The following DMD variants were observed in gnomAD, a reference collection of about 807,000 sequenced individuals.
The protein encoded by DMD is dystrophin.
In DMD, 63 loss-of-function variants were observed where a neutral mutation model predicts 330.1. That is an observed-to-expected ratio of 0.19 (90% confidence interval 0.16 to 0.24). The LOEUF is 0.24. Among genes scored for constraint, DMD ranks in the 10% least tolerant of loss-of-function variants. DMD has a pLI of 1.00. For missense variants in DMD, 3,344 were observed against 2,684.1 expected (o/e 1.25, Z -5.43); for synonymous variants, 1,223 against 959.8 (o/e 1.27, Z -5.07).
At chrX:31,310,808 A>ACC (rs1194347177) in intron 62 of DMD, among the ~76,000 whole-genome samples, 1 of 100,684 alleles carries the variant, frequency 9.9e-6, no homozygotes, top group Non-Finnish European at 2.0e-5. Context: ...TTCTGCTTTG[A>ACC]CCCCCCAAAG....
intron 41 of DMD, among the ~76,000 whole-genome samples, chrX:32,325,746 C>T (rs1324430560): frequency 9.1e-6 from 1 of 110,098 alleles, no homozygotes; most frequent in Non-Finnish European, 1.9e-5. Flanking sequence ...GCTAATAGCA[C>T]TCTTATGTGA....
At chrX:31,674,921 G>T (rs944424371) in intron 53 of DMD, among the ~76,000 whole-genome samples, 1 of 112,092 alleles carries the variant, frequency 8.9e-6, no homozygotes, top group Non-Finnish European at 1.9e-5. Context: ...GTTCTAAATG[G>T]CATCATCTCT....
At chrX:31,659,359 G>A (rs1404671121) in intron 53 of DMD, among the ~76,000 whole-genome samples, 1 of 111,041 alleles carries the variant, frequency 9.0e-6, no homozygotes, top group South Asian at 3.8e-4. Flanking sequence ...ATGAGAAACA[G>A]GCCGGGTGCG....
chrX:32,917,666 C>T (rs931675862), intron 2 of DMD, among the ~76,000 whole-genome samples: 1 of 111,754 alleles, frequency 8.9e-6, no homozygotes, highest in Non-Finnish European at 1.9e-5. Context: ...TGGCTCTATT[C>T]AGAAGAAGAA....
rs868244299 is a variant in DMD at position 33,070,689 on chromosome X, A to C, written c.32-50489T>G. 7.9e-3 allele frequency among the ~76,000 whole-genome samples: 673 copies of C among 84,813 alleles called. 3 individuals are homozygous for C. Among genetic ancestry groups the C allele is most frequent in the East Asian group, 0.015 (43 of 2,880 alleles). 73.6% of individuals were successfully genotyped at this position (84,813 alleles called of 115,157 possible). A position where few individuals can be genotyped will look rare whatever the true frequency, so the allele number is the denominator to read the frequency against. ...TCTCTCTCTCTATATATATATATAT[A>C]TATATATATATATATATATATGTTC... On this transcript the variant is annotated intron_variant, in intron 1 of 78. Transcript: ENST00000357033.
At position 33,192,958 on chromosome X, in the gene DMD, G is replaced by A. The variant is rs762705006; in HGVS notation, c.31+18324C>T. ...CATTCACGTACACACTATGAAACTT[G>A]AGTTTTACAGGAAAAAAATTTCTAA... is the stretch of plus-strand genomic sequence containing the variant. On this transcript the variant is annotated intron_variant, in intron 1 of 78. Coordinates refer to ENST00000357033, the MANE Select transcript of DMD (RefSeq NM_004006.3). 3.6e-5 allele frequency among the ~76,000 whole-genome samples: 4 copies of A among 111,640 alleles called. No individual in the cohort carries two copies. In the East Asian group the frequency reaches 1.1e-3, roughly 31 times the overall value.
At chrX:31,954,827 T>A (rs762792122) in intron 45 of DMD, among the ~76,000 whole-genome samples, 6 of 110,271 alleles carry the variant, frequency 5.4e-5, no homozygotes, top group Non-Finnish European at 1.1e-4. Context: ...AAGGTATATT[T>A]ACTTTTATTT....
chrX:32,770,304 T>G (rs1362439576), intron 7 of DMD, among the ~76,000 whole-genome samples: 1 of 111,814 alleles, frequency 8.9e-6, no homozygotes, highest in African/African-American at 3.3e-5. Flanking sequence ...TGTAATTATC[T>G]GGGCAGCAGT....
At chrX:32,834,026 G>A (rs766243492) in intron 4 of DMD, among the ~76,000 whole-genome samples, 8 of 111,167 alleles carry the variant, frequency 7.2e-5, no homozygotes, top group South Asian at 7.5e-4. Flanking sequence ...TAATGAATAC[G>A]AGATTATGTT....
chrX:32,365,565 C>G (rs1193901340), intron 34 of DMD, among the ~76,000 whole-genome samples: 2 of 111,371 alleles, frequency 1.8e-5, no homozygotes, highest in East Asian at 2.8e-4. Flanking sequence ...CAGTATGGTG[C>G]TACTGTATTT....
chrX:32,885,010 G>A (rs2084380483), intron 2 of DMD, among the ~76,000 whole-genome samples: 1 of 111,915 alleles, frequency 8.9e-6, no homozygotes, highest in African/African-American at 3.2e-5. Flanking sequence ...GTCATATAAT[G>A]CTGAAGGTCA....
intron 1 of DMD, among the ~76,000 whole-genome samples, chrX:33,088,981 CAT>C (rs1463455455): frequency 9.1e-6 from 1 of 109,591 alleles, no homozygotes; most frequent in African/African-American, 3.3e-5. Flanking sequence ...AACGTAGACA[CAT>C]ATATCTAAAT....
At chrX:31,590,396 G>C (rs1162122676) in intron 55 of DMD, among the ~76,000 whole-genome samples, 1 of 111,177 alleles carries the variant, frequency 9.0e-6, no homozygotes, top group Non-Finnish European at 1.9e-5. Flanking sequence ...AAGGTAGGTA[G>C]GTTTGCCTAA....
chrX:33,014,880 A>G (rs2093770428), intron 2 of DMD, among the ~76,000 whole-genome samples: 1 of 112,040 alleles, frequency 8.9e-6, no homozygotes, highest in Non-Finnish European at 1.9e-5. Context: ...CAAGTAGGCA[A>G]GAACATATAA....
chrX:31,678,379 C>T (rs757116082), intron 53 of DMD, among the ~76,000 whole-genome samples: 1 of 112,019 alleles, frequency 8.9e-6, no homozygotes, highest in South Asian at 3.7e-4. Context: ...TACTTCCCTG[C>T]TCAAAATACC....
At chrX:32,739,700 G>A (rs1261141614) in intron 7 of DMD, among the ~76,000 whole-genome samples, 1 of 111,571 alleles carries the variant, frequency 9.0e-6, no homozygotes, top group Non-Finnish European at 1.9e-5. Context: ...AAGTACCACT[G>A]TTGAAGTGTT....
intron 59 of DMD, among the ~76,000 whole-genome samples, chrX:31,470,024 T>A (rs182748280): frequency 2.9e-4 from 32 of 111,048 alleles, no homozygotes; most frequent in Non-Finnish European, 6.0e-4. Context: ...CTCCTTCAGG[T>A]CATTTATGTT....
At chrX:32,866,189 C>T (rs1291756607) in intron 2 of DMD, among the ~76,000 whole-genome samples, 3 of 112,206 alleles carry the variant, frequency 2.7e-5, no homozygotes, top group African/African-American at 9.7e-5. Context: ...GACTAGCAGA[C>T]AGCCAGACAT....
chrX:32,833,483 T>A (rs2079325131), intron 4 of DMD, among the ~76,000 whole-genome samples: 1 of 110,384 alleles, frequency 9.1e-6, no homozygotes, highest in Admixed American at 9.8e-5. Flanking sequence ...AGAATATATA[T>A]TAGAGGGCAT....
Sources: gnomAD v4.1 joint callset for allele counts (sites outside exome capture counted in the v4.1 genomes callset) on GRCh38, gnomAD v4.1.1 for gene constraint, MANE v1.5 for transcripts, NCBI Gene and HGNC (gene_info 2026-07-23, HGNC 2026-07-21) for gene names.